The following NIPBL variants were observed in gnomAD, a reference collection of about 807,000 sequenced individuals.
The protein encoded by NIPBL is nipped-B-like protein.
Under a neutral mutation model 321.8 loss-of-function variants are expected in NIPBL, and 19 were observed. The observed-to-expected ratio is 0.06, with a 90% CI of 0.04 to 0.09. The LOEUF is 0.09. Among genes scored for constraint, NIPBL ranks in the 10% least tolerant of loss-of-function variants. The pLI is 1.00. For synonymous variants in NIPBL, 1,106 were observed against 1,114.1 expected (o/e 0.99, Z 0.14); for missense variants, 2,210 against 3,327.0 (o/e 0.66, Z 8.26).
intron 19 of NIPBL, among the ~76,000 whole-genome samples, chr5:37,008,336 GCTAATAATT>G (rs1440859382): frequency 6.6e-6 from 1 of 151,976 alleles, no homozygotes. Flanking sequence ...AAATATTTCA[GCTAATAATT>G]CCTTGATATT....
chr5:36,919,691 T>C (rs777669793), intron 1 of NIPBL, among the ~76,000 whole-genome samples: 3 of 152,200 alleles, frequency 2.0e-5, no homozygotes, highest in Non-Finnish European at 2.9e-5. Flanking sequence ...GATATTTTCA[T>C]TTAAAAGTAA....
chr5:36,980,307 G>GTGA (rs1743992321), intron 9 of NIPBL, among the ~76,000 whole-genome samples: 1 of 151,636 alleles, frequency 6.6e-6, no homozygotes, highest in Admixed American at 6.6e-5. Flanking sequence ...TTCAATTTTG[G>GTGA]TGAAAATACA....
chr5:36,958,530 T>A (rs1318021360), intron 4 of NIPBL, among the ~76,000 whole-genome samples: 1 of 152,178 alleles, frequency 6.6e-6, no homozygotes, highest in Non-Finnish European at 1.5e-5. Flanking sequence ...AAGTCTTTCA[T>A]TAATTAAATA....
At chr5:37,060,773 C>G (rs1480323094) in intron 44 of NIPBL, 71 bp from the exon 45 acceptor site, 1 of 1,307,246 alleles carries the variant, frequency 7.6e-7, no homozygotes, top group Non-Finnish European at 1.1e-6. Context: ...TGCTTCCTAC[C>G]TATAATTGGA....
chr5:37,035,269 A>T (rs1041918213), intron 32 of NIPBL, among the ~76,000 whole-genome samples: 4 of 152,264 alleles, frequency 2.6e-5, no homozygotes, highest in African/African-American at 9.6e-5. Flanking sequence ...ACCCTGTCTC[A>T]GAAAAGACCA....
At chr5:36,899,495 G>A (rs1214321972) in intron 1 of NIPBL, among the ~76,000 whole-genome samples, 1 of 152,106 alleles carries the variant, frequency 6.6e-6, no homozygotes, top group African/African-American at 2.4e-5. Context: ...AATGAGTTTG[G>A]TTTGTTGACC....
chr5:36,937,840 C>T lies in NIPBL; in HGVS notation c.-79-15778C>T, dbSNP rs182771801. ...GGAGAACAATGTGTGTTTCTGTGTG[C>T]CATTTTTATTTTCGATATCAAAATG... On this transcript the variant is annotated intron_variant, in intron 1 of 46. Transcript: ENST00000282516. Among the ~76,000 whole-genome samples, 4 of 152,192 alleles carry T rather than the reference C, an allele frequency of 2.6e-5. No homozygotes were observed. In the East Asian group the frequency reaches 7.7e-4, roughly 29 times the overall value.
chr5:36,989,012 A>C (rs1213400977), intron 10 of NIPBL, among the ~76,000 whole-genome samples: 1 of 152,202 alleles, frequency 6.6e-6, no homozygotes, highest in Non-Finnish European at 1.5e-5. Context: ...CTAACAAAAT[A>C]CTTCATACAT....
At chr5:36,911,710 G>A (rs887813041) in intron 1 of NIPBL, among the ~76,000 whole-genome samples, 1 of 152,108 alleles carries the variant, frequency 6.6e-6, no homozygotes, top group African/African-American at 2.4e-5. Context: ...ATTATTAATT[G>A]TGAAGTTTGC....
At chr5:36,885,269 C>CCCAG in intron 1 of NIPBL, 1 of 515,462 alleles carries the variant, frequency 1.9e-6, no homozygotes, top group South Asian at 1.5e-5. Flanking sequence ...TGTCCAGCCA[C>CCCAG]CCAGCTATGG....
chr5:36,879,064 T>G (rs572876251), intron 1 of NIPBL, among the ~76,000 whole-genome samples: 12 of 152,290 alleles, frequency 7.9e-5, no homozygotes, highest in East Asian at 1.9e-4. Flanking sequence ...TTTGTTTTTT[T>G]GGGGATGGAG....
rs765716048 is a variant in NIPBL, at chr5:36,975,787, C to T, written c.880C>T (p.Pro294Ser). 1.2e-6 allele frequency: 2 copies of T among 1,613,632 alleles called. No homozygotes were observed. The highest frequency in any genetic ancestry group is 1.7e-5 in the Admixed American group (1 of 59,990). The change falls in exon 9 of 47, where the codon CCT (proline) becomes TCT (serine). Residue 294 changes from proline (P) to serine (S), a missense_variant. Transcript: ENST00000282516. ...AATTATTTTTCTAGGCTCAAGACCA[C>T]CTTTAATCCTACAATCTCAGTCTCT... ...SEGTPKGSRP[P>S]LILQSQSLPC...
intron 45 of NIPBL, among the ~76,000 whole-genome samples, chr5:37,062,504 G>T (rs1754838893): frequency 3.3e-5 from 5 of 151,928 alleles, no homozygotes; most frequent in Admixed American, 3.3e-4. Flanking sequence ...GGAAAGAACG[G>T]GGAGTTATTG....
At chr5:36,977,828 A>C (rs1743666868) in intron 9 of NIPBL, among the ~76,000 whole-genome samples, 1 of 151,652 alleles carries the variant, frequency 6.6e-6, no homozygotes. Flanking sequence ...CCATTGTTGA[A>C]TTCCCACTTA....
At position 36,984,727 on chromosome 5, in the gene NIPBL, G is replaced by T. The variant is rs1441805632; in HGVS notation, c.1547G>T (p.Gly516Val). ...KQDSYPQEAG[G>V]ATGGNRPASQ... ...GATTCTTACCCACAGGAGGCTGGGG[G>T]TGCTACAGGAGGTAATAGACCAGCT... The change falls in exon 10 of 47, where the codon GGT (glycine) becomes GTT (valine). Residue 516 changes from glycine to valine, a missense_variant. Coordinates refer to ENST00000282516, the MANE Select transcript of NIPBL (RefSeq NM_133433.4). 2 of 1,612,728 alleles carry T rather than the reference G, an allele frequency of 1.2e-6. No individual in the cohort carries two copies. Among genetic ancestry groups the T allele is most frequent in the Non-Finnish European group, 1.7e-6 (2 of 1,179,482 alleles).
chr5:36,901,460 T>C (rs1472428337), intron 1 of NIPBL, among the ~76,000 whole-genome samples: 1 of 150,668 alleles, frequency 6.6e-6, no homozygotes, highest in Non-Finnish European at 1.5e-5. Context: ...GAGTATATAC[T>C]CAGCAGTAGG....
At chr5:37,054,212 AAAG>A (rs1753859110) in intron 42 of NIPBL, among the ~76,000 whole-genome samples, 1 of 151,974 alleles carries the variant, frequency 6.6e-6, no homozygotes, top group Middle Eastern at 3.2e-3. Flanking sequence ...AAAAAAAAAA[AAAG>A]AACAAAAGAA....
At chr5:37,013,616 C>T (rs533504965) in intron 21 of NIPBL, among the ~76,000 whole-genome samples, 4 of 151,326 alleles carry the variant, frequency 2.6e-5, no homozygotes, top group African/African-American at 9.7e-5. Flanking sequence ...GATGGGTGGC[C>T]GGGCAGAGAC....
In NIPBL at chr5:37,018,378, A is replaced by G. The variant is rs963146823; in HGVS notation, c.4921-933A>G. 3.9e-5 allele frequency among the ~76,000 whole-genome samples: 6 copies of G among 152,210 alleles called. No homozygotes were observed. In the East Asian group the frequency reaches 7.7e-4, roughly 20 times the overall value. On this transcript the variant is annotated intron_variant, in intron 24 of 46. Coordinates refer to ENST00000282516, the MANE Select transcript of NIPBL (RefSeq NM_133433.4). ...GTTGCCATCATTATTTTAATGCTCAAATCGTCCTAGATTTGATCAATGAGA... is the reference window on the plus strand; with the variant it reads ...GTTGCCATCATTATTTTAATGCTCAGATCGTCCTAGATTTGATCAATGAGA...
Sources: allele counts gnomAD v4.1 joint callset (sites outside exome capture counted in the v4.1 genomes callset), GRCh38; gene constraint gnomAD v4.1.1; transcripts MANE v1.5; gene names NCBI Gene and HGNC (gene_info 2026-07-23, HGNC 2026-07-21).